Variants in RBFOX1 observed in about 807,000 individuals in gnomAD.
RBFOX1 encodes the protein RNA binding protein fox-1 homolog 1.
In RBFOX1, 8 loss-of-function variants were observed where a neutral mutation model predicts 57.7. The ratio of observed to expected loss-of-function variants is 0.14; its 90% CI spans 0.08 to 0.25. The LOEUF (loss-of-function observed/expected upper bound fraction) is 0.25. RBFOX1 is among the 10% of genes least tolerant of loss of function. RBFOX1 has a pLI of 1.00. For missense variants in RBFOX1, 611 were observed against 548.5 expected (o/e 1.11, Z -1.14); for synonymous variants, 326 against 222.4 (o/e 1.47, Z -4.15).
intron 2 of RBFOX1, among the ~76,000 whole-genome samples, chr16:6,577,671 T>C (rs1024515745): frequency 6.6e-6 from 1 of 152,172 alleles, no homozygotes; most frequent in Non-Finnish European, 1.5e-5. Context: ...TAGTTCCACA[T>C]GGTCCCAGGG....
intron 2 of RBFOX1, among the ~76,000 whole-genome samples, chr16:5,547,741 T>A (rs1227641668): frequency 6.6e-6 from 1 of 152,176 alleles, no homozygotes; most frequent in Non-Finnish European, 1.5e-5. Context: ...TCATGTCCTG[T>A]GCAGCAATAT....
chr16:5,500,413 A>C (rs1231384052), intron 2 of RBFOX1, among the ~76,000 whole-genome samples: 2 of 151,902 alleles, frequency 1.3e-5, no homozygotes. Flanking sequence ...TGTAGAGATG[A>C]AGTCTCCTTA....
At chr16:6,369,530 C>G (rs2090134289) in intron 2 of RBFOX1, among the ~76,000 whole-genome samples, 1 of 152,174 alleles carries the variant, frequency 6.6e-6, no homozygotes, top group Non-Finnish European at 1.5e-5. Flanking sequence ...GAATTCCTCT[C>G]TTTAGTCCTA....
In RBFOX1 at chr16:6,112,871, T is replaced by C. The variant is rs549433236; in HGVS notation, c.-127+92879T>C. On this transcript the variant is annotated intron_variant, in intron 1 of 15. Coordinates refer to ENST00000550418, the MANE Select transcript of RBFOX1 (RefSeq NM_018723.4). ...GTTTGGAAATCTTTGTAGAGGGGAG[T>C]TGGAAAGTGTTGGAAAGTAATTTGC... is the stretch of plus-strand genomic sequence containing the variant. 2.0e-5 allele frequency among the ~76,000 whole-genome samples: 3 copies of C among 151,968 alleles called. No homozygotes were observed. In the South Asian group the frequency reaches 6.2e-4, roughly 32 times the overall value.
chr16:6,090,913 T>TA (rs1025730237), intron 1 of RBFOX1, among the ~76,000 whole-genome samples: 4 of 152,190 alleles, frequency 2.6e-5, no homozygotes, highest in South Asian at 2.1e-4. Context: ...AAGCAAAACT[T>TA]AAAAAAAGTA....
At chr16:6,649,613 A>T (rs191981129) in intron 2 of RBFOX1, among the ~76,000 whole-genome samples, 1 of 152,104 alleles carries the variant, frequency 6.6e-6, no homozygotes. Flanking sequence ...AGAACATGCA[A>T]TGTTTCGTTT....
chr16:6,520,806 AG>A (rs1368349866), intron 2 of RBFOX1, among the ~76,000 whole-genome samples: 1 of 152,178 alleles, frequency 6.6e-6, no homozygotes, highest in Non-Finnish European at 1.5e-5. Flanking sequence ...AACCCCACAA[AG>A]CAGGTATAAG....
At chr16:6,811,366 T>A (rs1387564595) in intron 3 of RBFOX1, among the ~76,000 whole-genome samples, 1 of 152,240 alleles carries the variant, frequency 6.6e-6, no homozygotes. Context: ...TAGGATCACT[T>A]CTATTAAATG....
At chr16:5,582,354 G>C (rs971093305) in intron 2 of RBFOX1, among the ~76,000 whole-genome samples, 1 of 152,106 alleles carries the variant, frequency 6.6e-6, no homozygotes, top group Admixed American at 6.6e-5. Flanking sequence ...CAGGGCATTG[G>C]ACTGGAGCCG....
chr16:6,844,076 C>T (rs1359691122), intron 3 of RBFOX1, among the ~76,000 whole-genome samples: 2 of 152,038 alleles, frequency 1.3e-5, no homozygotes, highest in East Asian at 3.9e-4. Flanking sequence ...TCTCCCCACC[C>T]CCAAATCCCT....
chr16:7,401,305 T>G (rs1163026013), intron 4 of RBFOX1, among the ~76,000 whole-genome samples: 1 of 152,228 alleles, frequency 6.6e-6, no homozygotes, highest in African/African-American at 2.4e-5. Flanking sequence ...ATATTTTAAA[T>G]AGCATCTGAA....
rs1421580499 is a variant in RBFOX1 at position 7,281,020 on chromosome 16, C to CTTCCTTCCTTCCTTCCTTCCTTTT, written c.27+228922_27+228923insTTCCTTCCTTCCTTCCTTCCTTTT. Among the ~76,000 whole-genome samples the CTTCCTTCCTTCCTTCCTTCCTTTT allele has an allele frequency of 5.8e-3, 662 of 114,000 alleles. 11 individuals carry two copies. Among genetic ancestry groups the CTTCCTTCCTTCCTTCCTTCCTTTT allele is most frequent in the South Asian group, 0.016 (40 of 2,518 alleles). 74.8% of individuals were successfully genotyped at this position (114,000 alleles called of 152,430 possible). ...CCTTCCTTCCTTCCTTCCTTCCTTC[C>CTTCCTTCCTTCCTTCCTTCCTTTT]GAGACAGAGTGAGTCTCCTTCACCC... is the stretch of plus-strand genomic sequence containing the variant. On this transcript the variant is annotated intron_variant, in intron 4 of 15. Coordinates refer to ENST00000550418, the MANE Select transcript of RBFOX1 (RefSeq NM_018723.4).
intron 3 of RBFOX1, among the ~76,000 whole-genome samples, chr16:6,656,931 C>CCTCCCCTTTCCTCT (rs2098659693): frequency 1.8e-5 from 1 of 55,616 alleles, no homozygotes; most frequent in Non-Finnish European, 3.3e-5. Context: ...TCCTCTCCTC[C>CCTCCCCTTTCCTCT]CCTCTCCTCC....
At chr16:5,842,560 A>C (rs951020152) in intron 3 of RBFOX1, among the ~76,000 whole-genome samples, 3 of 152,144 alleles carry the variant, frequency 2.0e-5, no homozygotes, top group Non-Finnish European at 2.9e-5. Context: ...ATCCATTTTT[A>C]AACTTATTAA....
chr16:6,886,975 A>G (rs531797430), intron 3 of RBFOX1, among the ~76,000 whole-genome samples: 1 of 152,154 alleles, frequency 6.6e-6, no homozygotes, highest in Non-Finnish European at 1.5e-5. Flanking sequence ...AAAATGAAAA[A>G]AAATGCTCTT....
At chr16:7,376,329 G>A (rs576603130) in intron 4 of RBFOX1, among the ~76,000 whole-genome samples, 1 of 152,148 alleles carries the variant, frequency 6.6e-6, no homozygotes, top group Non-Finnish European at 1.5e-5. Context: ...TGTATTCCAT[G>A]TGAAATCATT....
chr16:6,906,148 G>A (rs1338930980), intron 3 of RBFOX1, among the ~76,000 whole-genome samples: 4 of 152,016 alleles, frequency 2.6e-5, no homozygotes, highest in African/African-American at 7.3e-5. Flanking sequence ...TGCAAACAGT[G>A]TTGATGTATT....
At chr16:6,697,499 A>G (rs952421278) in intron 3 of RBFOX1, among the ~76,000 whole-genome samples, 2 of 152,212 alleles carry the variant, frequency 1.3e-5, no homozygotes, top group Non-Finnish European at 2.9e-5. Flanking sequence ...GATGTACAGA[A>G]TCTAATATCT....
intron 3 of RBFOX1, among the ~76,000 whole-genome samples, chr16:6,776,633 C>T (rs941852195): frequency 6.6e-6 from 1 of 152,112 alleles, no homozygotes; most frequent in African/African-American, 2.4e-5. Context: ...TTATCCCTTT[C>T]AAATCGGTAT....
Sources: gnomAD v4.1 joint callset for allele counts (sites outside exome capture counted in the v4.1 genomes callset) on GRCh38, gnomAD v4.1.1 for gene constraint, MANE v1.5 for transcripts, NCBI Gene and HGNC (gene_info 2026-07-23, HGNC 2026-07-21) for gene names.